The following BCAR1 variants were observed in gnomAD, a reference collection of about 807,000 sequenced individuals.
BCAR1 encodes breast cancer anti-estrogen resistance protein 1.
BCAR1 carries 30 observed loss-of-function variants against 67.6 expected under a neutral mutation model. The observed-to-expected ratio is 0.44, with a 90% confidence interval of 0.33 to 0.60. The LOEUF (loss-of-function observed/expected upper bound fraction) is 0.60. Among genes scored for constraint, BCAR1 ranks in the 20% least tolerant of loss-of-function variants. The pLI is 0.02. For missense variants in BCAR1, 1,313 were observed against 1,222.3 expected (o/e 1.07, Z -1.11); for synonymous variants, 626 against 556.7 (o/e 1.12, Z -1.75).
At chr16:75,264,559 C>T (rs929781468) in intron 1 of BCAR1, 4 of 1,365,604 alleles carry the variant, frequency 2.9e-6, no homozygotes, top group Non-Finnish European at 3.8e-6. Flanking sequence ...GAACGGATGG[C>T]GGGGCTCACA....
chr16:75,256,039 A>G (rs1159216361), upstream of BCAR1: 3 of 152,374 alleles, frequency 2.0e-5, no homozygotes, highest in Non-Finnish European at 2.9e-5. Context: ...CTTTGTGGAT[A>G]GCACGGAGGT....
upstream of BCAR1, chr16:75,252,435 G>C: frequency 1.4e-6 from 2 of 1,438,216 alleles, no homozygotes; most frequent in Non-Finnish European, 1.8e-6. Flanking sequence ...AGAATCACTC[G>C]GGGGAAACCG....
chr16:75,238,147 C>T (rs925316481), intron 2 of BCAR1: 2 of 1,282,898 alleles, frequency 1.6e-6, no homozygotes, highest in African/African-American at 3.0e-5. Context: ...AGGCAGGCAG[C>T]ACAATGGCCT....
At chr16:75,266,494 C>A in intron 1 of BCAR1, 1 of 366,644 alleles carries the variant, frequency 2.7e-6, no homozygotes, top group Non-Finnish European at 4.8e-6. Flanking sequence ...AGCCCACCGT[C>A]CTCCCAGAGG....
Position 75,229,181 on chromosome 16 carries a change from G to A in BCAR1, c.*330C>T, listed in dbSNP as rs1445930647. On this transcript the variant is annotated 3_prime_UTR_variant, in exon 7 of 7. Transcript: ENST00000162330. ...CCCTGTCAGGGGACACGGCACCCTC[G>A]TGGGACCAGGCTCAGCCCTCGGGGT... 1.4e-5 allele frequency: 4 copies of A among 287,514 alleles called. No individual in the cohort carries two copies. The highest frequency in any genetic ancestry group is 1.3e-5 in the Non-Finnish European group (2 of 154,588). 17.8% of individuals were successfully genotyped at this position (287,514 alleles called of 1,614,324 possible).
intron 1 of BCAR1, chr16:75,250,781 C>T: frequency 6.1e-6 from 6 of 985,592 alleles, no homozygotes; most frequent in Non-Finnish European, 7.2e-6. Context: ...CACTGCAGAA[C>T]CCGGCCCTGG....
intron 2 of BCAR1, 81 bp downstream of exon 2, chr16:75,242,389 G>A (rs1351557663): frequency 7.6e-6 from 10 of 1,322,568 alleles, no homozygotes; most frequent in Non-Finnish European, 9.7e-6. Context: ...GTGATTGAGG[G>A]TGGCTGGACC....
chr16:75,247,839 C>T (rs1311288778), intron 1 of BCAR1: 3 of 593,622 alleles, frequency 5.1e-6, no homozygotes, highest in Non-Finnish European at 9.0e-6. Flanking sequence ...CAAGCCAGCA[C>T]AAGGTGGGAG....
At chr16:75,240,031 C>T (rs1425254161) in intron 2 of BCAR1, among the ~76,000 whole-genome samples, 3 of 152,186 alleles carry the variant, frequency 2.0e-5, no homozygotes, top group East Asian at 1.9e-4. Context: ...AGCCCACACC[C>T]GGCCCAAAGA....
At chr16:75,230,131 A>G in intron 6 of BCAR1, 108 bp from the exon 7 acceptor site, 1 of 1,367,678 alleles carries the variant, frequency 7.3e-7, no homozygotes, top group Non-Finnish European at 9.8e-7. Flanking sequence ...GCCGCTACTC[A>G]GAGTGCATGG....
chr16:75,261,503 G>A (rs1475522718), intron 1 of BCAR1, among the ~76,000 whole-genome samples: 1 of 152,286 alleles, frequency 6.6e-6, no homozygotes, highest in Non-Finnish European at 1.5e-5. Flanking sequence ...GACCACACCT[G>A]AGCAGAGGCC....
rs758139274 is a variant in BCAR1 at position 75,235,993 on chromosome 16, G to A, written c.913-7C>T. 29 of 1,563,570 alleles carry A rather than the reference G, an allele frequency of 1.9e-5. 1 individual carries two copies. The South Asian group carries it at 2.5e-4, about 13-fold the overall frequency. ...ATGGAGGAACGTCGTAGACCTGGGGGACAAGCGGTGGTCAAGACTGTCCAT... is the reference window on the plus strand; with the variant it reads ...ATGGAGGAACGTCGTAGACCTGGGGAACAAGCGGTGGTCAAGACTGTCCAT... On this transcript the variant is annotated splice_polypyrimidine_tract_variant and splice_region_variant and intron_variant, in intron 4 of 6. Transcript: ENST00000162330.
intron 1 of BCAR1, among the ~76,000 whole-genome samples, chr16:75,257,301 G>A (rs113151206): frequency 0.019 from 2,881 of 152,204 alleles, 84 homozygotes; most frequent in African/African-American, 0.065. Flanking sequence ...AGAACACAGG[G>A]GCCCACACTC....
upstream of BCAR1, chr16:75,252,026 G>A (rs2077693343): frequency 2.9e-6 from 2 of 679,982 alleles, no homozygotes; most frequent in African/African-American, 1.8e-5. Context: ...CAACCCCAGG[G>A]CATTCATCGC....
intron 1 of BCAR1, 44 bp from the exon 2 acceptor site, chr16:75,243,134 G>A: frequency 2.0e-6 from 3 of 1,529,506 alleles, no homozygotes; most frequent in Non-Finnish European, 2.6e-6. Flanking sequence ...GGATGTGCAT[G>A]GGGCGTCAGG....
At chr16:75,251,296 C>A (rs1003476361) in intron 1 of BCAR1, among the ~76,000 whole-genome samples, 175 bp downstream of exon 1, 2 of 152,168 alleles carry the variant, frequency 1.3e-5, no homozygotes, top group Non-Finnish European at 2.9e-5. Flanking sequence ...GGAGCCCCCG[C>A]GGTTCCTGCC....
intron 6 of BCAR1, among the ~76,000 whole-genome samples, chr16:75,233,359 C>A (rs2076968414): frequency 6.7e-6 from 1 of 150,264 alleles, no homozygotes; most frequent in Non-Finnish European, 1.5e-5. Flanking sequence ...TGTGACAGAA[C>A]AAGATTCTGT....
chr16:75,257,882 G>A (rs1048641905), intron 1 of BCAR1, among the ~76,000 whole-genome samples: 19 of 152,292 alleles, frequency 1.2e-4, no homozygotes, highest in African/African-American at 3.4e-4. Flanking sequence ...TCAGGCTCTC[G>A]CCCAGGCTTA....
intron 5 of BCAR1, 41 bp downstream of exon 5, chr16:75,234,848 C>A (rs201994321): frequency 6.6e-7 from 1 of 1,515,242 alleles, no homozygotes; most frequent in Non-Finnish European, 8.8e-7. Context: ...AGGAGCCCAG[C>A]GTGGCAGAAG....
Sources: gnomAD v4.1 joint callset for allele counts (sites outside exome capture counted in the v4.1 genomes callset) on GRCh38, gnomAD v4.1.1 for gene constraint, MANE v1.5 for transcripts, NCBI Gene and HGNC (gene_info 2026-07-23, HGNC 2026-07-21) for gene names.